The following ACSL5 variants were observed in gnomAD, a reference collection of about 807,000 sequenced individuals.
ACSL5 encodes the protein acyl-CoA synthetase long chain family member 5.
Under a neutral mutation model 84.9 loss-of-function variants are expected in ACSL5, and 50 were observed. That is an observed-to-expected ratio of 0.59 (90% CI 0.47 to 0.75). The LOEUF (loss-of-function observed/expected upper bound fraction) is 0.75. ACSL5 is among the 30% of genes least tolerant of loss of function. The pLI is 0.00. For missense variants in ACSL5, 775 were observed against 830.4 expected, an observed-to-expected ratio of 0.93 and a Z score of 0.82; for synonymous variants, 280 against 300.7, an observed-to-expected ratio of 0.93 and a Z score of 0.71.
At chr10:112,409,476 G>A in intron 6 of ACSL5, 31 bp from the exon 7 acceptor site, 1 of 1,607,036 alleles carries the variant, frequency 6.2e-7, no homozygotes, top group South Asian at 1.1e-5. Flanking sequence ...CAGAGAGAGG[G>A]AATGACCTCT....
chr10:112,385,639 G>A (rs1023861520), intron 1 of ACSL5, among the ~76,000 whole-genome samples: 1 of 152,174 alleles, frequency 6.6e-6, no homozygotes, highest in Non-Finnish European at 1.5e-5. Flanking sequence ...TGAACTTTCA[G>A]CAAGCTCTGC....
At position 112,392,599 on chromosome 10, in the gene ACSL5, G is replaced by A. The variant is rs569652580; in HGVS notation, c.-29-2319G>A. Among the ~76,000 whole-genome samples, 20 of 152,208 alleles carry A rather than the reference G, an allele frequency of 1.3e-4. No individual in the cohort carries two copies. The South Asian group carries it at 1.9e-3, about 14-fold the overall frequency. ...TACTAAAAATACAAAAAAGTAGGCC[G>A]GCATGGTGGCAGGCACCTGTAGTCC... On this transcript the variant is annotated intron_variant, in intron 1 of 20. Transcript: ENST00000354655.
chr10:112,403,106 G>C (rs374315403), intron 3 of ACSL5, among the ~76,000 whole-genome samples: 1 of 152,110 alleles, frequency 6.6e-6, no homozygotes, highest in Non-Finnish European at 1.5e-5. Context: ...GTGTGTTTCC[G>C]TGTTTTTTTA....
chr10:112,395,181 G>T (rs1843720958), intron 2 of ACSL5, 79 bp downstream of exon 2: 3 of 1,402,698 alleles, frequency 2.1e-6, no homozygotes, highest in Non-Finnish European at 2.0e-6. Flanking sequence ...GATAGCTCAT[G>T]AAGGGGATTG....
chr10:112,412,941 A>G (rs1844217097), intron 11 of ACSL5, among the ~76,000 whole-genome samples: 1 of 152,170 alleles, frequency 6.6e-6, no homozygotes. Context: ...ACCACAACAG[A>G]AATAAATGTC....
chr10:112,397,162 C>T (rs1843765380), intron 2 of ACSL5, among the ~76,000 whole-genome samples: 1 of 140,026 alleles, frequency 7.1e-6, no homozygotes, highest in Non-Finnish European at 1.6e-5. Flanking sequence ...CTAGCTACTC[C>T]CTTTTTCTTT....
chr10:112,388,690 G>A (rs973490124), intron 1 of ACSL5, among the ~76,000 whole-genome samples: 12 of 152,218 alleles, frequency 7.9e-5, no homozygotes, highest in African/African-American at 2.9e-4. Context: ...CACAATGAGT[G>A]ATAAGGAGCT....
rs558775981 is a variant in ACSL5, at chr10:112,395,033, G to A, written c.87G>A (p.Leu29=). 6.2e-7 allele frequency: 1 copy of A among 1,613,944 alleles called. No individual in the cohort carries two copies. The highest frequency in any genetic ancestry group is 1.7e-5 in the Admixed American group (1 of 59,974). ...TGACATTTGGAGCTGCCATCTTCTT[G>A]TGGCTGATCACCAGACCTCAACCCG... The part of the protein sequence containing the change: ...CILTFGAAIF[L]WLITRPQPVL... Residue 29 remains leucine, a synonymous_variant, in exon 2 of 21, where the codon TTG becomes TTA. Transcript: ENST00000354655.
At chr10:112,389,332 G>A (rs1849512956) in intron 1 of ACSL5, among the ~76,000 whole-genome samples, 1 of 152,176 alleles carries the variant, frequency 6.6e-6, no homozygotes, top group Non-Finnish European at 1.5e-5. Flanking sequence ...ACAGGAGAGG[G>A]GAAGGCCCTG....
intron 3 of ACSL5, among the ~76,000 whole-genome samples, chr10:112,401,839 T>TCTTTCTTTCTTTCTTC (rs1491438129): frequency 1.0e-3 from 92 of 92,088 alleles, no homozygotes; most frequent in Middle Eastern, 4.9e-3. Flanking sequence ...TTTCTTTCTT[T>TCTTTCTTTCTTTCTTC]CTTCCTTCCT....
At chr10:112,426,634 TTC>T (rs1276114541) in intron 19 of ACSL5, 152 bp from the exon 20 acceptor site, 2 of 680,508 alleles carry the variant, frequency 2.9e-6, no homozygotes, top group Non-Finnish European at 5.0e-6. Context: ...TTCTCAGTTT[TTC>T]TTTCAATATT....
intron 17 of ACSL5, among the ~76,000 whole-genome samples, chr10:112,423,015 C>T (rs1428971724): frequency 4.9e-5 from 7 of 142,794 alleles, no homozygotes; most frequent in Admixed American, 1.4e-4. Flanking sequence ...GGTGAAACCC[C>T]GTCTCTACTA....
intron 13 of ACSL5, among the ~76,000 whole-genome samples, 173 bp downstream of exon 13, chr10:112,417,195 T>A (rs1262464727): frequency 4.3e-5 from 2 of 46,156 alleles, no homozygotes; most frequent in African/African-American, 1.1e-4. Context: ...CTAAAGGGAG[T>A]AGGTTTAAAA....
At chr10:112,411,734 G>C (rs1174572393) in intron 10 of ACSL5, among the ~76,000 whole-genome samples, 168 bp from the exon 11 acceptor site, 2 of 152,028 alleles carry the variant, frequency 1.3e-5, no homozygotes, top group Non-Finnish European at 2.9e-5. Context: ...TAGGATCACT[G>C]CAAATTTCTA....
chr10:112,383,235 A>C (rs1205237832), intron 1 of ACSL5, among the ~76,000 whole-genome samples: 2 of 152,244 alleles, frequency 1.3e-5, no homozygotes, highest in Non-Finnish European at 2.9e-5. Context: ...CAGTGAGCTG[A>C]GCATGTTAGG....
At chr10:112,421,873 A>G in intron 15 of ACSL5, 74 bp from the exon 16 acceptor site, 4 of 1,492,564 alleles carry the variant, frequency 2.7e-6, no homozygotes, top group Non-Finnish European at 3.7e-6. Flanking sequence ...GTCAATTCAT[A>G]AATATCTTAG....
chr10:112,428,279 C>T lies in ACSL5; in HGVS notation c.*921C>T, dbSNP rs937625532. 1.0e-5 allele frequency: 4 copies of T among 390,450 alleles called. No individual in the cohort carries two copies. Among genetic ancestry groups the T allele is most frequent in the African/African-American group, 4.1e-5 (2 of 48,464 alleles). 24.2% of individuals were successfully genotyped at this position (390,450 alleles called of 1,614,324 possible). On this transcript the variant is annotated 3_prime_UTR_variant, in exon 21 of 21. Transcript: ENST00000354655. ...TGTGAAGGAACCAACTGATCTCCCC[C>T]ACCCTTGGATTAGAGTTCCTGCTCT...
At chr10:112,376,352 C>T (rs758580630) in intron 1 of ACSL5, 42 of 1,613,956 alleles carry the variant, frequency 2.6e-5, no homozygotes, top group Non-Finnish European at 3.5e-5. Context: ...GAACCACGAG[C>T]GAGGGAAGAA....
At chr10:112,376,596 C>T (rs1384077404) in intron 1 of ACSL5, 11 of 1,113,822 alleles carry the variant, frequency 9.9e-6, no homozygotes, top group Non-Finnish European at 1.3e-5. Context: ...ATGCTGTCTC[C>T]CTCCTGGTCT....
Sources: gnomAD v4.1 joint callset for allele counts (sites outside exome capture counted in the v4.1 genomes callset) on GRCh38, gnomAD v4.1.1 for gene constraint, MANE v1.5 for transcripts, NCBI Gene and HGNC (gene_info 2026-07-23, HGNC 2026-07-21) for gene names.